MASP2: variants seen among roughly 807,000 people sequenced by gnomAD.
MASP2 encodes the protein MBL associated serine protease 2.
Under a neutral mutation model 57.1 loss-of-function variants are expected in MASP2, and 49 were observed. The ratio of observed to expected loss-of-function variants is 0.86; its 90% CI spans 0.68 to 1.09. The LOEUF is 1.09. Among genes scored for constraint, MASP2 ranks in the 50% least tolerant of loss-of-function variants. MASP2 has a pLI of 0.00. For missense variants in MASP2, 900 were observed against 874.8 expected (o/e 1.03, Z -0.36); for synonymous variants, 379 against 340.8 (o/e 1.11, Z -1.24).
At chr1:11,031,389 CGTG>C (rs1433769643) in intron 8 of MASP2, among the ~76,000 whole-genome samples, 1 of 151,378 alleles carries the variant, frequency 6.6e-6, no homozygotes, top group Non-Finnish European at 1.5e-5. Flanking sequence ...ATTAGCCAGG[CGTG>C]GTAGCGGGCG....
Position 11,030,763 on chromosome 1 carries a change from T to G in MASP2, c.1207A>C (p.Met403Leu), listed in dbSNP as rs751719137. ...QYSCEETFYTMKVNDGKYVCE... is the reference protein window; with the variant it reads ...QYSCEETFYTLKVNDGKYVCE... The stretch of plus-strand genomic sequence containing the variant: ...ATTTGCATACCATCATTCACTTTCA[T>G]TGTGTAGAAGGTCTCTTCACAGCTG... The change falls in exon 9 of 11, where the codon ATG (methionine) becomes CTG (leucine). Residue 403 changes from methionine (M) to leucine (L), a missense_variant. By Grantham distance (15) the Met-to-Leu change is conservative. Transcript: ENST00000400897. 6.8e-6 allele frequency: 11 copies of G among 1,607,026 alleles called. No homozygotes were observed. The highest frequency in any genetic ancestry group is 1.7e-4 in the Middle Eastern group (1 of 6,050).
chr1:11,028,699 T>TTTTTG (rs1557665425), intron 10 of MASP2, among the ~76,000 whole-genome samples: 1 of 29,358 alleles, frequency 3.4e-5, no homozygotes, highest in East Asian at 1.2e-3. Flanking sequence ...CTTTCTGGGT[T>TTTTTG]TTTTTTCTTT....
intron 4 of MASP2, chr1:11,044,774 A>ACCC: frequency 8.9e-7 from 1 of 1,124,448 alleles, no homozygotes. Flanking sequence ...CGACCCTCCC[A>ACCC]CCCCAGAGAC....
intron 9 of MASP2, chr1:11,030,538 TGTA>T (rs995864240): frequency 3.1e-5 from 18 of 586,216 alleles, no homozygotes; most frequent in African/African-American, 1.3e-4. Flanking sequence ...ATTGTGTGTT[TGTA>T]GTAGTCATTT....
At chr1:11,039,986 T>G (rs1638374842) in intron 6 of MASP2, among the ~76,000 whole-genome samples, 1 of 145,430 alleles carries the variant, frequency 6.9e-6, no homozygotes, top group Admixed American at 6.9e-5. Context: ...GGTGGGTGGA[T>G]GAATGAGGGA....
chr1:11,035,230 A>G (rs1318233172), intron 7 of MASP2, among the ~76,000 whole-genome samples: 2 of 152,156 alleles, frequency 1.3e-5, no homozygotes, highest in African/African-American at 2.4e-5. Context: ...ATACAAAAAC[A>G]TATCAGATCT....
At chr1:11,042,305 T>C (rs766383095) in intron 6 of MASP2, among the ~76,000 whole-genome samples, 3 of 145,790 alleles carry the variant, frequency 2.1e-5, no homozygotes, top group East Asian at 4.2e-4. Context: ...GGTAGAAGGA[T>C]AGGTGAATGA....
intron 8 of MASP2, among the ~76,000 whole-genome samples, 167 bp downstream of exon 8, chr1:11,034,661 T>A (rs186135360): frequency 3.2e-4 from 46 of 144,000 alleles, no homozygotes; most frequent in Admixed American, 1.5e-3. Context: ...ATCACACCGC[T>A]GCACTCCAGT....
At position 11,044,808 on chromosome 1, in the gene MASP2, C is replaced by T. The variant is rs1024304817; in HGVS notation, c.544+600G>A. The T allele has an allele frequency of 3.2e-5, 44 of 1,376,406 alleles. No homozygotes were observed. The East Asian group carries it at 1.2e-3, about 38-fold the overall frequency. 85.3% of individuals were successfully genotyped at this position (1,376,406 alleles called of 1,614,324 possible). On this transcript the variant is annotated intron_variant, in intron 4 of 10. Coordinates refer to ENST00000400897, the MANE Select transcript of MASP2 (RefSeq NM_006610.4). ...ACACGTGGCAGCAGGTGGGGTGGGGCCAGGTTTATTATTGGGTCCATGGTG... is the reference window on the plus strand; with the variant it reads ...ACACGTGGCAGCAGGTGGGGTGGGGTCAGGTTTATTATTGGGTCCATGGTG...
intron 4 of MASP2, among the ~76,000 whole-genome samples, chr1:11,044,190 G>A (rs2100903576): frequency 6.6e-6 from 1 of 152,296 alleles, no homozygotes; most frequent in Non-Finnish European, 1.5e-5. Flanking sequence ...TCTGACCCCT[G>A]CCCTGGGGGC....
At chr1:11,036,510 C>CAAAAAACAAAAAAAAA (rs1638239023) in intron 7 of MASP2, among the ~76,000 whole-genome samples, 1 of 54,330 alleles carries the variant, frequency 1.8e-5, no homozygotes, top group Non-Finnish European at 3.3e-5. Context: ...GACTCCGTCT[C>CAAAAAACAAAAAAAAA]AAAAAAAAAA....
chr1:11,032,001 G>A (rs971482502), intron 8 of MASP2, among the ~76,000 whole-genome samples: 3 of 152,082 alleles, frequency 2.0e-5, no homozygotes, highest in East Asian at 1.9e-4. Flanking sequence ...CACTGGGCAC[G>A]GCTCACACGT....
At chr1:11,028,697 G>GTTTTTTTTTTTTTTTTTTTTTT (rs1208974169) in intron 10 of MASP2, among the ~76,000 whole-genome samples, 1 of 36,178 alleles carries the variant, frequency 2.8e-5, no homozygotes, top group African/African-American at 1.3e-4. Context: ...ATCTTTCTGG[G>GTTTTTTTTTTTTTTTTTTTTTT]TTTTTTTTCT....
rs1432082916 is a variant in MASP2 at position 11,030,838 on chromosome 1, C to A, written c.1132G>T (p.Glu378Ter). 1.2e-6 allele frequency: 2 copies of A among 1,613,910 alleles called. No homozygotes were observed. The highest frequency in any genetic ancestry group is 1.1e-5 in the South Asian group (1 of 91,048). ...GTCACTCCAGGACCTGTGATGTACT[C>A]CACTCGGCCACTGGGTAGATCATCA... ...PPDDLPSGRV[E>*]YITGPGVTTY... Residue 378 changes from glutamate to a stop codon, truncating the protein, a stop_gained, in exon 9 of 11, where the codon GAG becomes TAG. Transcript: ENST00000400897. LOFTEE classifies it high-confidence loss of function.
intron 6 of MASP2, among the ~76,000 whole-genome samples, chr1:11,041,835 TGAGTAGAA>T (rs2100898912): frequency 3.6e-5 from 4 of 111,032 alleles, no homozygotes; most frequent in African/African-American, 6.9e-5. Flanking sequence ...GATGGGTAGA[TGAGTAGAA>T]GGATGGGTTG....
Position 11,045,545 on chromosome 1 carries a change from G to A in MASP2, c.413-6C>T, listed in dbSNP as rs1638612178. 1 of 1,602,610 alleles carries A rather than the reference G, an allele frequency of 6.2e-7. No individual in the cohort carries two copies. The highest frequency in any genetic ancestry group is 1.3e-5 in the African/African-American group (1 of 74,902). On this transcript the variant is annotated splice_region_variant and splice_polypyrimidine_tract_variant and intron_variant, in intron 3 of 10. Transcript: ENST00000400897. Reference sequence around the variant, plus strand: ...CACCTGGCACTCGTCAATGTCTGGGGGAGAGGCAGGGCCAGGCAGGCCGTC... The same window carrying A: ...CACCTGGCACTCGTCAATGTCTGGGAGAGAGGCAGGGCCAGGCAGGCCGTC...
chr1:11,027,647 A>G lies in MASP2; in HGVS notation c.1299T>C (p.Val433=), dbSNP rs772988071. ...CTGTTGTGCGGGCTGATAGTCCACA[A>G]ACTGGAGAAAGAAGCAGATAGGTAG... ...GEKSLPVCEP[V]CGLSARTTGG... The change falls in exon 11 of 11, where the codon GTT becomes GTC. Residue 433 remains valine, a splice_region_variant and synonymous_variant. Transcript: ENST00000400897. The G allele has an allele frequency of 4.4e-6, 7 of 1,593,702 alleles. No homozygotes were observed. The Admixed American group carries it at 1.3e-4, about 29-fold the overall frequency.
intron 8 of MASP2, among the ~76,000 whole-genome samples, chr1:11,033,666 A>G (rs1346127102): frequency 2.7e-5 from 4 of 150,942 alleles, no homozygotes; most frequent in Non-Finnish European, 5.9e-5. Flanking sequence ...AAAAGAAAAA[A>G]ATATTGTCAA....
rs114385730 is a variant in MASP2, at chr1:11,042,099, G to C, written c.889+776C>G. ...ATAAGATTGGTAGGTAGAAGGATGG[G>C]TGGGTGGCTATATGGATAGCTGGAA... On this transcript the variant is annotated intron_variant, in intron 6 of 10. Coordinates refer to ENST00000400897, the MANE Select transcript of MASP2 (RefSeq NM_006610.4). 8.2e-3 allele frequency among the ~76,000 whole-genome samples: 1,254 copies of C among 152,134 alleles called. 16 individuals carry two copies. The highest frequency in any genetic ancestry group is 0.029 in the African/African-American group (1,209 of 41,472).
Sources: allele counts gnomAD v4.1 joint callset (sites outside exome capture counted in the v4.1 genomes callset), GRCh38; gene constraint gnomAD v4.1.1; transcripts MANE v1.5; gene names NCBI Gene and HGNC (gene_info 2026-07-23, HGNC 2026-07-21).